TTC7A: variants seen among roughly 807,000 people sequenced by gnomAD.
TTC7A encodes tetratricopeptide repeat protein 7A.
A neutral mutation model predicts 103.7 loss-of-function variants in TTC7A; 110 were observed. The ratio of observed to expected loss-of-function variants is 1.06; its 90% CI spans 0.91 to 1.24. The LOEUF (loss-of-function observed/expected upper bound fraction) is 1.24, where lower values mean the gene tolerates loss of function less well. Ranked by LOEUF, TTC7A falls within the 50% of genes most tolerant of loss-of-function variation. TTC7A has a pLI of 0.00. For missense variants in TTC7A, 1,340 were observed against 1,116.3 expected, an observed-to-expected ratio of 1.20 and a Z score of -2.86; for synonymous variants, 521 against 467.9, an observed-to-expected ratio of 1.11 and a Z score of -1.47.
chr2:46,966,067 C>T (rs947874067), intron 3 of TTC7A, among the ~76,000 whole-genome samples: 16 of 151,980 alleles, frequency 1.1e-4, no homozygotes, highest in African/African-American at 3.6e-4. Flanking sequence ...CTCCTGCCTC[C>T]GCCTCCCGAG....
chr2:47,071,923 G>A (rs1684762330), intron 19 of TTC7A, among the ~76,000 whole-genome samples: 1 of 152,200 alleles, frequency 6.6e-6, no homozygotes, highest in Admixed American at 6.5e-5. Flanking sequence ...GGCCCTCTCT[G>A]GGAGGCCTTG....
chr2:47,069,717 CGGAATGCCAGAGAGCCTGGAGCTGGGCT>C (rs771258703), intron 19 of TTC7A, among the ~76,000 whole-genome samples: 1 of 152,306 alleles, frequency 6.6e-6, no homozygotes, highest in South Asian at 2.1e-4. Flanking sequence ...TGAGAGAATC[CGGAATGCCAGAGAGCCTGGAGCTGGGCT>C]GGAATGCCAG....
At chr2:47,005,867 A>C (rs1447930453) in intron 8 of TTC7A, 55 bp from the exon 9 acceptor site, 2 of 1,601,926 alleles carry the variant, frequency 1.2e-6, no homozygotes, top group Non-Finnish European at 1.7e-6. Context: ...CTGCGAAGAC[A>C]GACACCTGCT....
chr2:47,027,614 A>C (rs1265592867), intron 14 of TTC7A, among the ~76,000 whole-genome samples: 1 of 152,200 alleles, frequency 6.6e-6, no homozygotes, highest in African/African-American at 2.4e-5. Flanking sequence ...CAACTCTAGA[A>C]CCCAGCTCTT....
chr2:47,008,151 C>G (rs1043130349), intron 10 of TTC7A, among the ~76,000 whole-genome samples: 5 of 152,134 alleles, frequency 3.3e-5, no homozygotes, highest in African/African-American at 1.2e-4. Flanking sequence ...GCAGGTTCTT[C>G]CTACCTCTGG....
At position 46,917,713 on chromosome 2, in the gene TTC7A, C is replaced by G. The variant is rs374738568; in HGVS notation, c.82+436C>G. On this transcript the variant is annotated intron_variant, in intron 2 of 20. Coordinates refer to the TTC7A transcript ENST00000409245. ...TATAAACTTGCTGTATTTTCTCCCC[C>G]ACCATACCACTGAAACTGCAATCTC... Among the ~76,000 whole-genome samples the G allele has an allele frequency of 4.0e-4, 61 of 152,328 alleles. 1 individual carries two copies. The South Asian group carries it at 0.012, about 31-fold the overall frequency.
In TTC7A at chr2:47,029,284, G is replaced by A. The variant is rs774511591; in HGVS notation, c.1702G>A (p.Ala568Thr). 17 of 1,614,046 alleles carry A rather than the reference G, an allele frequency of 1.1e-5. No individual in the cohort carries two copies. Among genetic ancestry groups the A allele is most frequent in the Non-Finnish European group, 1.4e-5 (16 of 1,180,030 alleles). ...ALKVRKDDAH[A>T]LHLLALLFSA... is the part of the protein sequence containing the mutation. ...GAAGGTACGCAAGGATGATGCCCAC[G>A]CCCTCCACCTGCTGGCACTGCTCTT... The change falls in exon 15 of 20, where the codon GCC (alanine) becomes ACC (threonine). Residue 568 changes from alanine (A) to threonine (T), a missense_variant. Physicochemically the swap from Ala to Thr is moderately conservative, Grantham distance 58. Coordinates refer to ENST00000319190, the MANE Select transcript of TTC7A (RefSeq NM_020458.4).
intron 2 of TTC7A, among the ~76,000 whole-genome samples, chr2:46,953,137 T>TATATTAAATGTA (rs1164786429): frequency 1.3e-5 from 2 of 152,132 alleles, no homozygotes; most frequent in African/African-American, 4.8e-5. Flanking sequence ...ATCTGTAAAA[T>TATATTAAATGTA]AATATATTAA....
chr2:47,024,486 T>G, intron 14 of TTC7A, 127 bp downstream of exon 14: 1 of 815,040 alleles, frequency 1.2e-6, no homozygotes, highest in East Asian at 3.0e-5. Flanking sequence ...TCCTTATCTG[T>G]CATGTAAGTC....
At chr2:46,962,280 T>C (rs1261926584) in intron 3 of TTC7A, among the ~76,000 whole-genome samples, 2 of 152,350 alleles carry the variant, frequency 1.3e-5, no homozygotes, top group African/African-American at 4.8e-5. Context: ...CAGTGTGTCC[T>C]GTGCTGAGAG....
rs930150305 is a variant in TTC7A, at chr2:47,074,681, G to A, written c.*758G>A. On this transcript the variant is annotated 3_prime_UTR_variant, in exon 20 of 20. Coordinates refer to ENST00000319190, the MANE Select transcript of TTC7A (RefSeq NM_020458.4). ...TTAGGCTACAATGCAGGTCCCTTGA[G>A]GGCCACCAACATGGAGGTAGGCAGT... is the stretch of plus-strand genomic sequence containing the variant. 1.3e-5 allele frequency: 2 copies of A among 152,362 alleles called. No homozygotes were observed. The highest frequency in any genetic ancestry group is 4.8e-5 in the African/African-American group (2 of 41,454). 9.4% of individuals were successfully genotyped at this position (152,362 alleles called of 1,614,324 possible).
rs377367628 is a variant in TTC7A at position 47,073,758 on chromosome 2, T to C, written c.2412T>C (p.Asp804=). The C allele has an allele frequency of 7.4e-6, 12 of 1,613,842 alleles. No individual in the cohort carries two copies. In the South Asian group the frequency reaches 9.9e-5, roughly 13 times the overall value. The change falls in exon 20 of 20, where the codon GAT becomes GAC. Residue 804 remains aspartate (D), a synonymous_variant. Coordinates refer to ENST00000319190, the MANE Select transcript of TTC7A (RefSeq NM_020458.4). ...HKSLAQKVLR[D]AVERQSTCHE... Reference sequence around the variant, plus strand: ...GCTTGGCCCAGAAGGTGCTTCGTGATGCCGTGGAGAGGCAGAGTACGTGCC... The same window carrying C: ...GCTTGGCCCAGAAGGTGCTTCGTGACGCCGTGGAGAGGCAGAGTACGTGCC...
intron 14 of TTC7A, among the ~76,000 whole-genome samples, chr2:47,026,435 C>T (rs181030292): frequency 6.6e-6 from 1 of 152,324 alleles, no homozygotes; most frequent in Admixed American, 6.5e-5. Flanking sequence ...CTGGTGCCCA[C>T]AGCCTGCACA....
At chr2:47,063,736 C>T (rs1378667526) in intron 19 of TTC7A, among the ~76,000 whole-genome samples, 1 of 152,228 alleles carries the variant, frequency 6.6e-6, no homozygotes, top group Non-Finnish European at 1.5e-5. Context: ...GGAAGGAGAG[C>T]CTTCCCTCCC....
At position 47,075,390 on chromosome 2, in the gene TTC7A, A is replaced by T. The variant is rs1449690437; in HGVS notation, c.*1467A>T. On this transcript the variant is annotated 3_prime_UTR_variant, in exon 20 of 20. Coordinates refer to ENST00000319190, the MANE Select transcript of TTC7A (RefSeq NM_020458.4). Reference sequence around the variant, plus strand: ...AAGAAAAAGCAAATGCTGTTGGTTTATCTCAGGGTGCCCAAAGTGGTTATA... The same window carrying T: ...AAGAAAAAGCAAATGCTGTTGGTTTTTCTCAGGGTGCCCAAAGTGGTTATA... 6.6e-6 allele frequency: 1 copy of T among 152,220 alleles called. No homozygotes were observed. The highest frequency in any genetic ancestry group is 1.9e-4 in the East Asian group (1 of 5,204). The allele number at this position is 152,220 out of a possible 1,614,324, so 9.4% of individuals were successfully genotyped here.
intron 2 of TTC7A, among the ~76,000 whole-genome samples, chr2:46,917,748 C>T (rs979778299): frequency 2.0e-5 from 3 of 152,208 alleles, no homozygotes; most frequent in African/African-American, 4.8e-5. Context: ...CCATGCAAAT[C>T]TAGTGGTCTC....
chr2:47,021,162 G>A (rs534164725), intron 11 of TTC7A, among the ~76,000 whole-genome samples: 15 of 152,342 alleles, frequency 9.8e-5, no homozygotes, highest in African/African-American at 3.6e-4. Context: ...CATTTCCTGG[G>A]TTGGATGGGA....
chr2:46,977,606 A>T (rs1158217547), intron 4 of TTC7A, among the ~76,000 whole-genome samples: 2 of 152,222 alleles, frequency 1.3e-5, no homozygotes, highest in Non-Finnish European at 2.9e-5. Context: ...GGTGCCTGGC[A>T]TATAGCAGGC....
intron 2 of TTC7A, 140 bp downstream of exon 2, chr2:46,950,666 GGCT>G: frequency 1.2e-6 from 1 of 819,640 alleles, no homozygotes; most frequent in Non-Finnish European, 1.9e-6. Context: ...AGTAGCCACT[GGCT>G]GCACATGGCC....
Sources: gnomAD v4.1 joint callset for allele counts (sites outside exome capture counted in the v4.1 genomes callset) on GRCh38, gnomAD v4.1.1 for gene constraint, MANE v1.5 for transcripts, NCBI Gene and HGNC (gene_info 2026-07-23, HGNC 2026-07-21) for gene names.